DLC1: variants seen among roughly 807,000 people sequenced by gnomAD.
DLC1 encodes the protein DLC1 Rho GTPase activating protein.
A neutral mutation model predicts 140.3 loss-of-function variants in DLC1; 54 were observed. That is an observed-to-expected ratio of 0.38 (90% confidence interval 0.31 to 0.48). The LOEUF (loss-of-function observed/expected upper bound fraction) is 0.48, where lower values mean the gene tolerates loss of function less well. Among genes scored for constraint, DLC1 ranks in the 20% least tolerant of loss-of-function variants. The probability of loss-of-function intolerance (pLI) is 0.96; values close to 1 mark genes in which losing one functional copy is unlikely to be tolerated. For synonymous variants in DLC1, 986 were observed against 728.1 expected, an observed-to-expected ratio of 1.35 and a Z score of -5.70; for missense variants, 2,536 against 1,907.0, an observed-to-expected ratio of 1.33 and a Z score of -6.14.
intron 7 of DLC1, 70 bp downstream of exon 7, chr8:13,110,672 C>G (rs753348794): frequency 4.7e-5 from 67 of 1,415,936 alleles, no homozygotes; most frequent in Middle Eastern, 1.8e-4. Context: ...GCAAACAAAG[C>G]CTATCTTTGT....
intron 1 of DLC1, among the ~76,000 whole-genome samples, chr8:13,589,884 G>A (rs1048082105): frequency 7.3e-5 from 11 of 151,082 alleles, no homozygotes; most frequent in African/African-American, 2.7e-4. Flanking sequence ...TAAACCTAGT[G>A]TTTTGGAAAA....
At chr8:13,370,423 C>G (rs548670612) in intron 4 of DLC1, among the ~76,000 whole-genome samples, 65 of 152,188 alleles carry the variant, frequency 4.3e-4, no homozygotes, top group Middle Eastern at 3.4e-3. Flanking sequence ...GTGTTTTATT[C>G]TTGCCACTTG....
chr8:13,600,916 T>C (rs1057306491), intron 1 of DLC1, among the ~76,000 whole-genome samples: 3 of 151,904 alleles, frequency 2.0e-5, no homozygotes, highest in Non-Finnish European at 4.4e-5. Flanking sequence ...ATTTTATATG[T>C]AGTATTCATT....
In DLC1 at chr8:13,453,540, A is replaced by G. The variant is rs1212851715; in HGVS notation, c.1023+45509T>C. On this transcript the variant is annotated intron_variant, in intron 2 of 17. Transcript: ENST00000276297. ...CATATATATATATGTATATATATAC[A>G]TATATATATATATATATTTTTTTTT... Among the ~76,000 whole-genome samples the G allele has an allele frequency of 4.7e-4, 18 of 38,522 alleles. 1 individual carries two copies. Among genetic ancestry groups the G allele is most frequent in the Admixed American group, 1.3e-3 (4 of 3,106 alleles). 25.3% of individuals were successfully genotyped at this position (38,522 alleles called of 152,430 possible). A position where few individuals can be genotyped will look rare whatever the true frequency, so the allele number is the denominator to read the frequency against.
chr8:13,422,325 A>G (rs1249088767), intron 2 of DLC1, among the ~76,000 whole-genome samples: 1 of 152,052 alleles, frequency 6.6e-6, no homozygotes, highest in East Asian at 1.9e-4. Context: ...ATAAAATTAT[A>G]TTATTTTCGT....
rs539027680 is a variant in DLC1 at position 13,158,352 on chromosome 8, C to G, written c.1349-42695G>C. Among the ~76,000 whole-genome samples, 283 of 152,234 alleles carry G rather than the reference C, an allele frequency of 1.9e-3. 2 individuals are homozygous for G. Among genetic ancestry groups the G allele is most frequent in the Admixed American group, 3.4e-3 (52 of 15,284 alleles). On this transcript the variant is annotated intron_variant, in intron 5 of 17. Transcript: ENST00000276297. ...AATGCATTTGCTCTACTTGGAGTAACTACAGTTGATTTTAATTTAGAAACG... is the reference window on the plus strand; with the variant it reads ...AATGCATTTGCTCTACTTGGAGTAAGTACAGTTGATTTTAATTTAGAAACG...
At chr8:13,484,678 G>A (rs946872585) in intron 2 of DLC1, among the ~76,000 whole-genome samples, 14 of 152,026 alleles carry the variant, frequency 9.2e-5, no homozygotes, top group Admixed American at 8.5e-4. Context: ...AAATGCAGAA[G>A]GGTGTTATCA....
intron 1 of DLC1, among the ~76,000 whole-genome samples, chr8:13,602,702 A>T (rs1805929335): frequency 1.3e-5 from 2 of 152,052 alleles, no homozygotes; most frequent in African/African-American, 4.8e-5. Context: ...AAGTTATGAC[A>T]AGATAATTTT....
intron 5 of DLC1, among the ~76,000 whole-genome samples, chr8:13,218,795 A>T (rs1416423752): frequency 8.5e-6 from 1 of 118,276 alleles, no homozygotes; most frequent in East Asian, 2.1e-4. Flanking sequence ...TAATATAAAT[A>T]TATATCATAA....
intron 5 of DLC1, among the ~76,000 whole-genome samples, chr8:13,188,801 GTATATATATATATATATATA>G (rs1237501850): frequency 4.0e-3 from 286 of 71,882 alleles, no homozygotes; most frequent in African/African-American, 8.6e-3. Flanking sequence ...GTGTGTGTGT[GTATATATATATATATATATA>G]TATATGTATA....
At chr8:13,451,144 T>C (rs901227467) in intron 2 of DLC1, among the ~76,000 whole-genome samples, 22 of 151,454 alleles carry the variant, frequency 1.5e-4, no homozygotes, top group African/African-American at 5.3e-4. Flanking sequence ...TAAATATGTT[T>C]GAAAAAACAA....
rs1554491828 is a variant in DLC1, at chr8:13,297,282, T to TAAAAAAAAAAAACAAAAAAAACAAAAC, written c.1348+7986_1348+7987insGTTTTGTTTTTTTTGTTTTTTTTTTTT. On this transcript the variant is annotated intron_variant, in intron 5 of 17. Transcript: ENST00000276297. ...CAGGCAAGCAGAGGCCTTCATACAT[T>TAAAAAAAAAAAACAAAAAAAACAAAAC]AAAAAAAAAAAAAACTGAAGCAAGT... 8.3e-4 allele frequency among the ~76,000 whole-genome samples: 8 copies of TAAAAAAAAAAAACAAAAAAAACAAAAC among 9,636 alleles called. 2 individuals carry two copies. The highest frequency in any genetic ancestry group is 2.9e-3 in the African/African-American group (8 of 2,790). The allele number at this position is 9,636 out of a possible 152,430, so 6.3% of individuals were successfully genotyped here.
Position 13,299,268 on chromosome 8 carries a change from C to T in DLC1, c.1348+6001G>A, listed in dbSNP as rs569208660. Reference sequence around the variant, plus strand: ...GACCAGCCCAGCCAACATAGTGAAACCCCATCTCTACTAAAAATATAAAAA... The same window carrying T: ...GACCAGCCCAGCCAACATAGTGAAATCCCATCTCTACTAAAAATATAAAAA... On this transcript the variant is annotated intron_variant, in intron 5 of 17. Coordinates refer to ENST00000276297, the MANE Select transcript of DLC1 (RefSeq NM_182643.3). Among the ~76,000 whole-genome samples, 100 of 151,708 alleles carry T rather than the reference C, an allele frequency of 6.6e-4. 1 individual carries two copies. The highest frequency in any genetic ancestry group is 2.4e-3 in the African/African-American group (98 of 41,376).
chr8:13,106,911 C>T (rs1211249920), intron 7 of DLC1, among the ~76,000 whole-genome samples: 1 of 152,328 alleles, frequency 6.6e-6, no homozygotes, highest in Non-Finnish European at 1.5e-5. Context: ...ATAGAAAGAA[C>T]ATTTCACAAG....
At chr8:13,134,594 T>C (rs953142621) in intron 5 of DLC1, among the ~76,000 whole-genome samples, 2 of 152,180 alleles carry the variant, frequency 1.3e-5, no homozygotes, top group Non-Finnish European at 2.9e-5. Flanking sequence ...TTAAAACTTA[T>C]TGGTTTCATA....
At chr8:13,384,057 G>A (rs1836397046) in intron 4 of DLC1, among the ~76,000 whole-genome samples, 1 of 152,184 alleles carries the variant, frequency 6.6e-6, no homozygotes, top group African/African-American at 2.4e-5. Flanking sequence ...TTCAGGAGTG[G>A]TTTGTTCAGG....
intron 2 of DLC1, among the ~76,000 whole-genome samples, chr8:13,432,198 G>A (rs532994804): frequency 1.1e-4 from 17 of 152,204 alleles, no homozygotes; most frequent in Admixed American, 1.0e-3. Flanking sequence ...ACTCAATAAT[G>A]TATTATATTG....
chr8:13,120,282 G>T lies in DLC1; in HGVS notation c.1349-4625C>A, dbSNP rs564342039. 3.4e-5 allele frequency among the ~76,000 whole-genome samples: 5 copies of T among 145,148 alleles called. No individual in the cohort carries two copies. The South Asian group carries it at 1.1e-3, about 32-fold the overall frequency. On this transcript the variant is annotated intron_variant, in intron 5 of 17. Coordinates refer to ENST00000276297, the MANE Select transcript of DLC1 (RefSeq NM_182643.3). ...GGCGTGAACCGGGGAGGCGGAGGTG[G>T]CAGTGAGCTGAGATTGGGTCACTGC...
intron 1 of DLC1, among the ~76,000 whole-genome samples, chr8:13,568,621 T>G (rs1804539781): frequency 6.6e-6 from 1 of 152,216 alleles, no homozygotes; most frequent in South Asian, 2.1e-4. Flanking sequence ...ATACAAACTC[T>G]TGAGAAATGC....
Sources: gnomAD v4.1 joint callset for allele counts (sites outside exome capture counted in the v4.1 genomes callset) on GRCh38, gnomAD v4.1.1 for gene constraint, MANE v1.5 for transcripts, NCBI Gene and HGNC (gene_info 2026-07-23, HGNC 2026-07-21) for gene names.